CSDE1: variants seen among roughly 807,000 people sequenced by gnomAD.
CSDE1 encodes the protein cold shock domain containing E1, also known as cold shock domain-containing protein E1.
Under a neutral mutation model 89.3 loss-of-function variants are expected in CSDE1, and 17 were observed. The ratio of observed to expected loss-of-function variants is 0.19; its 90% CI spans 0.13 to 0.29. CSDE1 has a LOEUF of 0.29. Ranked by LOEUF, CSDE1 falls within the 10% of genes least tolerant of loss-of-function variation. The pLI is 1.00. For missense variants in CSDE1, 672 were observed against 984.2 expected, an observed-to-expected ratio of 0.68 and a Z score of 4.24; for synonymous variants, 322 against 332.8, an observed-to-expected ratio of 0.97 and a Z score of 0.35.
At position 114,720,863 on chromosome 1, in the gene CSDE1, G is replaced by A. The variant is rs1659479475; in HGVS notation, c.1874-146C>T. 5.8e-6 allele frequency: 4 copies of A among 692,454 alleles called. No individual in the cohort carries two copies. In the East Asian group the frequency reaches 8.6e-5, roughly 15 times the overall value. The allele number at this position is 692,454 out of a possible 1,614,324, so 42.9% of individuals were successfully genotyped here. Reference sequence around the variant, plus strand: ...CAGTACTCAGAAGTTTCACCTTAAAGCTTAAATGAAATCCTAAATGTTAAA... The same window carrying A: ...CAGTACTCAGAAGTTTCACCTTAAAACTTAAATGAAATCCTAAATGTTAAA... On this transcript the variant is annotated intron_variant, in intron 16 of 19. Coordinates refer to ENST00000358528, the MANE Select transcript of CSDE1 (RefSeq NM_001007553.3).
chr1:114,718,648 C>G lies in CSDE1; in HGVS notation c.2314G>C (p.Val772Leu), dbSNP rs767997632. The change falls in exon 19 of 20, where the codon GTT becomes CTT. Residue 772 changes from valine (V) to leucine (L), a missense_variant. Physicochemically the swap from Val to Leu is conservative, Grantham distance 32. This residue lies in a region of CSDE1 where 206 missense variants were observed against 332.4 expected (regional missense o/e 0.62). Coordinates refer to ENST00000358528, the MANE Select transcript of CSDE1 (RefSeq NM_001007553.3). ...LDDASAPRLM[V>L]LRQPRGPDNS... is the part of the protein sequence containing the mutation. ...TCTGGTCCCCTTGGCTGACGAAGAA[C>G]CATTAGGCGAGGAGCACTGGCATCA... 5 of 1,614,168 alleles carry G rather than the reference C, an allele frequency of 3.1e-6. No individual in the cohort carries two copies. In the South Asian group the frequency reaches 4.4e-5, roughly 14 times the overall value.
At chr1:114,720,307 CATT>C in intron 17 of CSDE1, 1 of 425,704 alleles carries the variant, frequency 2.3e-6, no homozygotes, top group Non-Finnish European at 4.2e-6. Context: ...TTATTTTCCC[CATT>C]GCATAATATT....
Position 114,732,797 on chromosome 1 carries a change from C to A in CSDE1, c.857G>T (p.Arg286Leu). Residue 286 changes from arginine to leucine, a missense_variant, in exon 10 of 20, where the codon CGC (arginine) becomes CTC (leucine). Around this residue, in one of 8 missense-constraint regions of CSDE1, gnomAD observed 169 missense variants for 262.9 expected, o/e 0.64. Transcript: ENST00000358528. ...SKNQNDPLPG[R>L]IKVDFVIPKE... ...AGGGATCACAAAGTCAACTTTGATG[C>A]GTCCTGGCAATGGGTCATTCTGATG... 2 of 1,614,052 alleles carry A rather than the reference C, an allele frequency of 1.2e-6. No individual in the cohort carries two copies. Among genetic ancestry groups the A allele is most frequent in the Non-Finnish European group, 1.7e-6 (2 of 1,179,926 alleles).
intron 1 of CSDE1, among the ~76,000 whole-genome samples, chr1:114,752,045 G>C (rs904868096): frequency 6.6e-6 from 1 of 152,110 alleles, no homozygotes; most frequent in Non-Finnish European, 1.5e-5. Flanking sequence ...CAGGAGGTCT[G>C]CTTGAGCCCA....
rs1660031939 is a variant in CSDE1, at chr1:114,730,314, T to C, written c.1300A>G (p.Lys434Glu). The change falls in exon 12 of 20, where the codon AAA becomes GAA. Residue 434 changes from lysine to glutamate, a missense_variant. Around this residue, in one of 8 missense-constraint regions of CSDE1, gnomAD observed 108 missense variants for 105.0 expected, o/e 1.03. Transcript: ENST00000358528. Reference sequence around the variant, plus strand: ...TTAGGATTGGAAAAAGTGGCTTCTTTTTCTACCGTGCCCAGAAAACGGTGA... The same window carrying C: ...TTAGGATTGGAAAAAGTGGCTTCTTCTTCTACCGTGCCCAGAAAACGGTGA... ...SDHRFLGTVE[K>E]EATFSNPKTT... 1 of 1,614,198 alleles carries C rather than the reference T, an allele frequency of 6.2e-7. No individual in the cohort carries two copies. The highest frequency in any genetic ancestry group is 1.3e-5 in the African/African-American group (1 of 75,060).
intron 9 of CSDE1, among the ~76,000 whole-genome samples, chr1:114,733,308 G>T (rs1216839915): frequency 1.3e-5 from 2 of 151,968 alleles, no homozygotes; most frequent in Admixed American, 1.3e-4. Context: ...TGGACAGATC[G>T]CAAGGTCAAG....
Position 114,723,927 on chromosome 1 carries a change from G to A in CSDE1, c.1829C>T (p.Pro610Leu). ...KVIRPLRSVD[P>L]TQTEYQGMIE... ...CATTCCTTGGTACTCAGTCTGTGTTGGATCAACACTCCTCAGGGGGCGAAT... is the reference window on the plus strand; with the variant it reads ...CATTCCTTGGTACTCAGTCTGTGTTAGATCAACACTCCTCAGGGGGCGAAT... Residue 610 changes from proline (P) to leucine (L), a missense_variant, in exon 16 of 20, where the codon CCA becomes CTA. Pro to Leu is a moderately conservative substitution (Grantham distance 98, BLOSUM62 -3). Around this residue, in one of 8 missense-constraint regions of CSDE1, gnomAD observed 206 missense variants for 332.4 expected, o/e 0.62. Transcript: ENST00000358528. 1 of 1,613,924 alleles carries A rather than the reference G, an allele frequency of 6.2e-7. No homozygotes were observed. The highest frequency in any genetic ancestry group is 8.5e-7 in the Non-Finnish European group (1 of 1,179,922).
intron 2 of CSDE1, among the ~76,000 whole-genome samples, chr1:114,742,560 C>T (rs920375810): frequency 2.6e-5 from 4 of 152,182 alleles, no homozygotes; most frequent in African/African-American, 9.6e-5. Context: ...CCAGCCTGGG[C>T]AACACAGCAA....
intron 4 of CSDE1, 112 bp downstream of exon 4, chr1:114,737,851 C>T (rs1479768696): frequency 1.3e-6 from 1 of 761,890 alleles, no homozygotes; most frequent in African/African-American, 1.8e-5. Flanking sequence ...TCTTTATATA[C>T]TATAGCTCTC....
intron 2 of CSDE1, among the ~76,000 whole-genome samples, chr1:114,743,139 GTTTA>G (rs1352887268): frequency 1.3e-5 from 2 of 152,002 alleles, no homozygotes; most frequent in Non-Finnish European, 2.9e-5. Context: ...ATGTTTGTTT[GTTTA>G]TTTAATTAAT....
intron 16 of CSDE1, 80 bp from the exon 17 acceptor site, chr1:114,720,797 G>A: frequency 2.5e-6 from 3 of 1,209,772 alleles, no homozygotes; most frequent in Non-Finnish European, 3.5e-6. Context: ...TTATATAACT[G>A]CTAAAAATGT....
chr1:114,723,086 T>C (rs933425075), intron 16 of CSDE1, among the ~76,000 whole-genome samples: 2 of 152,158 alleles, frequency 1.3e-5, no homozygotes, highest in African/African-American at 4.8e-5. Context: ...CACGAACTCC[T>C]GGCCTCGTGA....
chr1:114,732,551 A>G (rs1347458948), intron 10 of CSDE1, 53 bp downstream of exon 10: 15 of 1,551,762 alleles, frequency 9.7e-6, no homozygotes, highest in African/African-American at 5.4e-5. Context: ...AAACTTGAAT[A>G]TAACATTGGC....
At chr1:114,720,105 A>C in intron 17 of CSDE1, 1 of 226,734 alleles carries the variant, frequency 4.4e-6, no homozygotes, top group South Asian at 8.6e-5. Context: ...TATTCTCTGT[A>C]CTGATGAAAA....
At chr1:114,729,807 G>A (rs959614389) in intron 12 of CSDE1, among the ~76,000 whole-genome samples, 1 of 152,086 alleles carries the variant, frequency 6.6e-6, no homozygotes, top group Non-Finnish European at 1.5e-5. Context: ...CTATTTAGTG[G>A]ATTTTTCAAT....
At chr1:114,719,528 G>C (rs754200706) in intron 18 of CSDE1, 51 bp downstream of exon 18, 2 of 1,556,714 alleles carry the variant, frequency 1.3e-6, no homozygotes, top group Non-Finnish European at 1.7e-6. Flanking sequence ...AGACTATAAA[G>C]TTGAGACACT....
Position 114,734,778 on chromosome 1 carries a change from T to C in CSDE1, c.501-255A>G, listed in dbSNP as rs545874807. Among the ~76,000 whole-genome samples, 5 of 152,252 alleles carry C rather than the reference T, an allele frequency of 3.3e-5. No homozygotes were observed. The South Asian group carries it at 1.0e-3, about 32-fold the overall frequency. ...TTCTCTGGGACTGTTGTTGGAAGAT[T>C]TGCTTTTTTACAAACTTACACATGG... is the stretch of plus-strand genomic sequence containing the variant. On this transcript the variant is annotated intron_variant, in intron 6 of 19. Transcript: ENST00000358528.
intron 2 of CSDE1, among the ~76,000 whole-genome samples, chr1:114,743,849 T>TCC (rs1558005240): frequency 6.6e-6 from 1 of 152,208 alleles, no homozygotes; most frequent in Non-Finnish European, 1.5e-5. Flanking sequence ...GAGCTCTCTT[T>TCC]CCCTAGCCTT....
intron 2 of CSDE1, among the ~76,000 whole-genome samples, chr1:114,744,869 C>T (rs1245175838): frequency 1.3e-5 from 2 of 151,876 alleles, no homozygotes; most frequent in Admixed American, 1.3e-4. Context: ...AAGCTAAATC[C>T]CTAGATTTTA....
Sources: allele counts gnomAD v4.1 joint callset (sites outside exome capture counted in the v4.1 genomes callset), GRCh38; gene constraint gnomAD v4.1.1; regional missense constraint gnomAD v4.1.1; transcripts MANE v1.5; gene names NCBI Gene and HGNC (gene_info 2026-07-23, HGNC 2026-07-21).